COX10: variants seen among roughly 807,000 people sequenced by gnomAD.
COX10 encodes cytochrome c oxidase assembly factor heme A:farnesyltransferase COX10, also known as protoheme IX farnesyltransferase, mitochondrial.
A neutral mutation model predicts 37.3 loss-of-function variants in COX10; 27 were observed. That is an observed-to-expected ratio of 0.72 (90% CI 0.53 to 1.00). The LOEUF (loss-of-function observed/expected upper bound fraction) is 1.00. Among genes scored for constraint, COX10 ranks in the 50% least tolerant of loss-of-function variants. COX10 has a pLI of 0.00. For missense variants in COX10, 475 were observed against 563.2 expected (o/e 0.84, Z 1.59); for synonymous variants, 222 against 229.1 (o/e 0.97, Z 0.28).
intron 4 of COX10, 91 bp downstream of exon 4, chr17:14,102,333 A>ATG (rs1915803747): frequency 1.3e-6 from 2 of 1,554,830 alleles, no homozygotes. Context: ...CCAAACTCAT[A>ATG]TATTGATGGA....
At chr17:14,129,391 C>G (rs1916414326) in intron 4 of COX10, among the ~76,000 whole-genome samples, 1 of 152,110 alleles carries the variant, frequency 6.6e-6, no homozygotes, top group Non-Finnish European at 1.5e-5. Flanking sequence ...TCCCTTGCCA[C>G]TAAGAACTAT....
At chr17:14,158,850 C>T (rs1443874402) in intron 4 of COX10, among the ~76,000 whole-genome samples, 2 of 151,570 alleles carry the variant, frequency 1.3e-5, no homozygotes, top group Non-Finnish European at 2.9e-5. Context: ...ATTATTGTTT[C>T]GTCTGTTGAT....
At chr17:14,168,656 T>C (rs1353952954) in intron 5 of COX10, among the ~76,000 whole-genome samples, 1 of 152,234 alleles carries the variant, frequency 6.6e-6, no homozygotes, top group African/African-American at 2.4e-5. Context: ...CAACCAAGGC[T>C]TGGGGCTTGC....
At chr17:14,073,220 G>A (rs911152380) in intron 1 of COX10, among the ~76,000 whole-genome samples, 9 of 152,150 alleles carry the variant, frequency 5.9e-5, no homozygotes, top group African/African-American at 1.7e-4. Context: ...TGCTGCTATC[G>A]TTACCATAGT....
chr17:14,130,107 C>T (rs1406477938), intron 4 of COX10, among the ~76,000 whole-genome samples: 1 of 152,136 alleles, frequency 6.6e-6, no homozygotes, highest in African/African-American at 2.4e-5. Flanking sequence ...ATCCTTTGGA[C>T]ATAAGTGAGG....
In COX10 at chr17:14,207,231, C is replaced by T. The variant is rs1906737884; in HGVS notation, c.*18C>T. On this transcript the variant is annotated 3_prime_UTR_variant, in exon 7 of 7. Transcript: ENST00000261643. ...CCAGCTGAGAGCACTGGGACGCCCA[C>T]CGCCCCTTTCCCTCCGCTGCCAGGC... is the stretch of plus-strand genomic sequence containing the variant. 1.9e-6 allele frequency: 3 copies of T among 1,559,428 alleles called. No individual in the cohort carries two copies. Among genetic ancestry groups the T allele is most frequent in the Non-Finnish European group, 2.6e-6 (3 of 1,156,784 alleles).
rs756441422 is a variant in COX10 at position 14,206,803 on chromosome 17, C to CCCG, written c.929-7_929-6insCCG. On this transcript the variant is annotated splice_region_variant and splice_polypyrimidine_tract_variant and intron_variant, in intron 6 of 6. Transcript: ENST00000261643. Reference sequence around the variant, plus strand: ...TGTCTCCCTCTCCTTCCCTGACCCCCGCACAGGCGCATTTCTCCTGGGAGG... The same window carrying CCCG: ...TGTCTCCCTCTCCTTCCCTGACCCCCCCGGCACAGGCGCATTTCTCCTGGGAGG... 1.9e-6 allele frequency: 3 copies of CCCG among 1,614,124 alleles called. No individual in the cohort carries two copies. Among genetic ancestry groups the CCCG allele is most frequent in the Non-Finnish European group, 2.5e-6 (3 of 1,179,994 alleles).
intron 5 of COX10, among the ~76,000 whole-genome samples, chr17:14,162,374 C>CA (rs1170406464): frequency 6.6e-6 from 1 of 152,018 alleles, no homozygotes; most frequent in Non-Finnish European, 1.5e-5. Context: ...TATTTGCCTT[C>CA]AAAAAAATGC....
At chr17:14,112,130 G>A (rs1447718584) in intron 4 of COX10, among the ~76,000 whole-genome samples, 1 of 152,258 alleles carries the variant, frequency 6.6e-6, no homozygotes, top group East Asian at 1.9e-4. Flanking sequence ...AAGTTTTCCA[G>A]CAGAACATAT....
chr17:14,078,338 G>A (rs1236133350), intron 3 of COX10, among the ~76,000 whole-genome samples: 1 of 152,148 alleles, frequency 6.6e-6, no homozygotes, highest in East Asian at 1.9e-4. Context: ...ATCAGATGTG[G>A]CCTCTGTCAA....
chr17:14,136,397 A>G (rs201704684), intron 4 of COX10, among the ~76,000 whole-genome samples: 4 of 152,156 alleles, frequency 2.6e-5, no homozygotes, highest in South Asian at 4.1e-4. Flanking sequence ...AAGCTAAGTA[A>G]TTATACATAC....
At chr17:14,171,671 A>G (rs998360554) in intron 5 of COX10, among the ~76,000 whole-genome samples, 2 of 150,834 alleles carry the variant, frequency 1.3e-5, no homozygotes, top group African/African-American at 4.9e-5. Flanking sequence ...TTCCTCCTCC[A>G]CCTACTCTAG....
intron 4 of COX10, among the ~76,000 whole-genome samples, chr17:14,148,197 G>A (rs1384983808): frequency 6.6e-6 from 1 of 152,174 alleles, no homozygotes; most frequent in African/African-American, 2.4e-5. Flanking sequence ...CACATTGGGT[G>A]AAAAGCCACT....
intron 2 of COX10, among the ~76,000 whole-genome samples, chr17:14,075,641 A>G (rs376755719): frequency 2.9e-4 from 44 of 152,268 alleles, no homozygotes; most frequent in African/African-American, 7.9e-4. Flanking sequence ...TTTGCTAGTA[A>G]GTGGTAGAGA....
chr17:14,130,000 T>C (rs1209763871), intron 4 of COX10, among the ~76,000 whole-genome samples: 3 of 152,204 alleles, frequency 2.0e-5, no homozygotes, highest in Non-Finnish European at 4.4e-5. Flanking sequence ...GCCCTGTGTA[T>C]ATTCTTTCCT....
intron 6 of COX10, among the ~76,000 whole-genome samples, chr17:14,202,744 C>G (rs946216062): frequency 2.0e-5 from 3 of 149,876 alleles, no homozygotes; most frequent in Middle Eastern, 3.4e-3. Flanking sequence ...CCCTCTGTCT[C>G]TCGACCCCCA....
At chr17:14,128,986 C>T (rs908188802) in intron 4 of COX10, among the ~76,000 whole-genome samples, 2 of 152,150 alleles carry the variant, frequency 1.3e-5, no homozygotes, top group Admixed American at 6.5e-5. Context: ...CCTGGTATTA[C>T]AGGCAAGCGT....
chr17:14,102,052 C>A, intron 3 of COX10, 66 bp from the exon 4 acceptor site: 3 of 1,601,790 alleles, frequency 1.9e-6, no homozygotes, highest in South Asian at 2.2e-5. Context: ...TGTTTTTTGT[C>A]GTTCTGGCCT....
intron 5 of COX10, among the ~76,000 whole-genome samples, chr17:14,181,785 T>G (rs376469593): frequency 7.9e-5 from 12 of 152,206 alleles, no homozygotes; most frequent in Middle Eastern, 3.4e-3. Flanking sequence ...TAGAAAAACA[T>G]ACTAAGAGAT....
Sources: allele counts gnomAD v4.1 joint callset (sites outside exome capture counted in the v4.1 genomes callset), GRCh38; gene constraint gnomAD v4.1.1; transcripts MANE v1.5; gene names NCBI Gene and HGNC (gene_info 2026-07-23, HGNC 2026-07-21).